The following IGHMBP2 variants were observed in gnomAD, a reference collection of about 807,000 sequenced individuals.
IGHMBP2 encodes DNA-binding protein SMUBP-2.
In IGHMBP2, 81 loss-of-function variants were observed where a neutral mutation model predicts 96.0. The ratio of observed to expected loss-of-function variants is 0.84; its 90% CI spans 0.71 to 1.01. IGHMBP2 has a LOEUF of 1.01. Among genes scored for constraint, IGHMBP2 ranks in the 50% least tolerant of loss-of-function variants. The pLI is 0.00. For synonymous variants in IGHMBP2, 557 were observed against 548.9 expected (o/e 1.01, Z -0.21); for missense variants, 1,227 against 1,306.3 (o/e 0.94, Z 0.94).
At chr11:68,907,278 A>G (rs1858240122) in intron 2 of IGHMBP2, among the ~76,000 whole-genome samples, 1 of 152,160 alleles carries the variant, frequency 6.6e-6, no homozygotes, top group Admixed American at 6.5e-5. Flanking sequence ...CAAAAACAAA[A>G]GAAAAACTAC....
chr11:68,931,394 A>G (rs1859292550), intron 8 of IGHMBP2, among the ~76,000 whole-genome samples: 1 of 152,120 alleles, frequency 6.6e-6, no homozygotes, highest in Admixed American at 6.5e-5. Context: ...TTCGTGGAGC[A>G]GGAAGCCCAG....
chr11:68,914,453 G>A (rs1281616194), intron 5 of IGHMBP2, among the ~76,000 whole-genome samples: 1 of 152,220 alleles, frequency 6.6e-6, no homozygotes, highest in Non-Finnish European at 1.5e-5. Flanking sequence ...GACCTGCAGG[G>A]GAGCATACAG....
intron 7 of IGHMBP2, among the ~76,000 whole-genome samples, chr11:68,924,013 G>A (rs1858973290): frequency 1.3e-5 from 2 of 152,316 alleles, no homozygotes; most frequent in South Asian, 4.1e-4. Context: ...TCTCAAGGCA[G>A]AAAGCTGGGG....
chr11:68,939,740 A>G lies in IGHMBP2; in HGVS notation c.*9A>G. On this transcript the variant is annotated 3_prime_UTR_variant, in exon 15 of 15. Coordinates refer to ENST00000255078, the MANE Select transcript of IGHMBP2 (RefSeq NM_002180.3). ...AGGAGAGGGGGACGTGACCGGCCGC[A>G]TCCTTGCACGCCCCGCGGAGCTCTC... is the stretch of plus-strand genomic sequence containing the variant. The G allele has an allele frequency of 6.2e-7, 1 of 1,602,092 alleles. No homozygotes were observed. Among genetic ancestry groups the G allele is most frequent in the Non-Finnish European group, 8.5e-7 (1 of 1,175,480 alleles).
intron 7 of IGHMBP2, chr11:68,926,142 C>T (rs1187077206): frequency 1.2e-4 from 18 of 152,002 alleles, no homozygotes; most frequent in African/African-American, 4.3e-4. Context: ...TTTTTTCTTT[C>T]TGATCTTCAG....
Position 68,934,493 on chromosome 11 carries a change from C to G in IGHMBP2, c.1567C>G (p.Gln523Glu). 6.2e-7 allele frequency: 1 copy of G among 1,612,610 alleles called. No homozygotes were observed. The highest frequency in any genetic ancestry group is 8.5e-7 in the Non-Finnish European group (1 of 1,179,284). The change falls in exon 11 of 15, where the codon CAG becomes GAG. Residue 523 changes from glutamine to glutamate, a missense_variant. This residue lies in a region of IGHMBP2 where 703 missense variants were observed against 770.3 expected (regional missense o/e 0.91). Transcript: ENST00000255078. ...AGTCCGCCTCGTCAGTTTGCACATC[C>G]AGGCTCTGGTGGACGCTGGTGTTCC... The part of the protein sequence containing the change: ...GEVRLVSLHI[Q>E]ALVDAGVPAR...
At chr11:68,938,389 G>C in intron 14 of IGHMBP2, 35 bp downstream of exon 14, 1 of 1,566,792 alleles carries the variant, frequency 6.4e-7, no homozygotes, top group Non-Finnish European at 8.7e-7. Context: ...TCAAACAGTG[G>C]GGAGGGGTGG....
chr11:68,911,412 G>T, intron 4 of IGHMBP2, 28 bp from the exon 5 acceptor site: 1 of 1,611,426 alleles, frequency 6.2e-7, no homozygotes, highest in East Asian at 2.2e-5. Flanking sequence ...CAGAGCACCT[G>T]AGCCTCACGC....
At chr11:68,930,405 C>G in intron 8 of IGHMBP2, 2 of 1,289,732 alleles carry the variant, frequency 1.6e-6, no homozygotes, top group Non-Finnish European at 2.0e-6. Flanking sequence ...AATCTCATCA[C>G]AGGGGCGTGG....
chr11:68,905,979 A>G (rs900335498), intron 1 of IGHMBP2, 90 bp from the exon 2 acceptor site: 2 of 1,301,674 alleles, frequency 1.5e-6, no homozygotes, highest in Non-Finnish European at 2.2e-6. Context: ...GTAGATCTTT[A>G]TCTATGTTTC....
rs191428037 is a variant in IGHMBP2, at chr11:68,903,899, G to A, written c.-54G>A. On this transcript the variant is annotated 5_prime_UTR_variant, in exon 1 of 15. Coordinates refer to ENST00000255078, the MANE Select transcript of IGHMBP2 (RefSeq NM_002180.3). The stretch of plus-strand genomic sequence containing the variant: ...GGGAACACCGGTCCGCTGTAACACC[G>A]GCCCGGCGCAGAAGCGGGACGTCGG... 1.2e-6 allele frequency: 2 copies of A among 1,607,346 alleles called. No individual in the cohort carries two copies. The highest frequency in any genetic ancestry group is 1.7e-6 in the Non-Finnish European group (2 of 1,176,406).
chr11:68,921,610 G>T (rs1208944363), intron 7 of IGHMBP2, among the ~76,000 whole-genome samples: 1 of 152,144 alleles, frequency 6.6e-6, no homozygotes, highest in African/African-American at 2.4e-5. Context: ...CATATTCTAA[G>T]ACTTACAATG....
Position 68,915,000 on chromosome 11 carries a change from A to G in IGHMBP2, c.889A>G (p.Arg297Gly), listed in dbSNP as rs1858593795. 4 of 1,614,020 alleles carry G rather than the reference A, an allele frequency of 2.5e-6. No homozygotes were observed. Among genetic ancestry groups the G allele is most frequent in the Admixed American group, 1.7e-5 (1 of 59,990 alleles). ...SDSAQIVADIRKDIDQVFVKN... is the reference protein window; with the variant it reads ...SDSAQIVADIGKDIDQVFVKN... Reference sequence around the variant, plus strand: ...CAGTGCCCAGATTGTTGCAGATATCAGGAAGGACATCGACCAGGTCTTTGT... The same window carrying G: ...CAGTGCCCAGATTGTTGCAGATATCGGGAAGGACATCGACCAGGTCTTTGT... Residue 297 changes from arginine (R) to glycine (G), a missense_variant, in exon 6 of 15, where the codon AGG (arginine) becomes GGG (glycine). Physicochemically the swap from Arg to Gly is moderately radical, Grantham distance 125. Around this residue, in one of 3 missense-constraint regions of IGHMBP2, gnomAD observed 507 missense variants for 496.9 expected, o/e 1.02. Coordinates refer to ENST00000255078, the MANE Select transcript of IGHMBP2 (RefSeq NM_002180.3).
At position 68,933,401 on chromosome 11, in the gene IGHMBP2, G is replaced by T. The variant is rs149628807; in HGVS notation, c.1338G>T (p.Gln446His). The T allele has an allele frequency of 2.5e-6, 4 of 1,613,250 alleles. No homozygotes were observed. Among genetic ancestry groups the T allele is most frequent in the Non-Finnish European group, 2.5e-6 (3 of 1,179,876 alleles). Residue 446 changes from glutamine (Q) to histidine (H), a missense_variant, in exon 9 of 15, where the codon CAG (glutamine) becomes CAT (histidine). Transcript: ENST00000255078. ...RTLTVQYRMH[Q>H]AIMRWASDTM... ...TGACGGTGCAGTACCGCATGCACCA[G>T]GCTATCATGCGCTGGGCCTCAGACA...
intron 8 of IGHMBP2, chr11:68,930,240 C>T (rs1237622716): frequency 3.9e-6 from 5 of 1,268,320 alleles, no homozygotes; most frequent in South Asian, 2.6e-5. Context: ...CATCCTGGCC[C>T]TCACTTCCAC....
chr11:68,920,973 TC>T (rs1351104647), intron 7 of IGHMBP2, among the ~76,000 whole-genome samples: 1 of 152,176 alleles, frequency 6.6e-6, no homozygotes, highest in African/African-American at 2.4e-5. Context: ...TTTTCTTTTT[TC>T]CTTTTAGAGA....
rs572187510 is a variant in IGHMBP2, at chr11:68,934,040, C to T, written c.1537+127C>T. ...GCAGTTGTTGATGGCCGTGAAAAAA[C>T]GGAGCCCCACACTGCAAGAGGCTGA... On this transcript the variant is annotated intron_variant, in intron 10 of 14. Coordinates refer to ENST00000255078, the MANE Select transcript of IGHMBP2 (RefSeq NM_002180.3). 4.4e-5 allele frequency: 33 copies of T among 749,482 alleles called. 1 individual carries two copies. Among genetic ancestry groups the T allele is most frequent in the East Asian group, 2.2e-4 (8 of 37,014 alleles). The allele number at this position is 749,482 out of a possible 1,614,324, so 46.4% of individuals were successfully genotyped here.
At chr11:68,937,739 G>T in intron 13 of IGHMBP2, 1 of 234,390 alleles carries the variant, frequency 4.3e-6, no homozygotes, top group Middle Eastern at 1.7e-3. Flanking sequence ...AGGAGTTCCA[G>T]CTTGCATTGA....
Position 68,915,115 on chromosome 11 carries a change from C to T in IGHMBP2, c.912+92C>T, listed in dbSNP as rs1326194910. 9.5e-6 allele frequency: 9 copies of T among 943,350 alleles called. No individual in the cohort carries two copies. The African/African-American group carries it at 1.3e-4, about 14-fold the overall frequency. The allele number at this position is 943,350 out of a possible 1,614,324, so 58.4% of individuals were successfully genotyped here. ...ATTTATCTGTCTGCATTCCTCTTGACCTTCTCTTGCTTCTGTCGATTCCTT... is the reference window on the plus strand; with the variant it reads ...ATTTATCTGTCTGCATTCCTCTTGATCTTCTCTTGCTTCTGTCGATTCCTT... On this transcript the variant is annotated intron_variant, in intron 6 of 14. Coordinates refer to ENST00000255078, the MANE Select transcript of IGHMBP2 (RefSeq NM_002180.3).
Sources: allele counts gnomAD v4.1 joint callset (sites outside exome capture counted in the v4.1 genomes callset), GRCh38; gene constraint gnomAD v4.1.1; regional missense constraint gnomAD v4.1.1; transcripts MANE v1.5; gene names NCBI Gene and HGNC (gene_info 2026-07-23, HGNC 2026-07-21).